The following LUC7L variants were observed in gnomAD, a reference collection of about 807,000 sequenced individuals.
LUC7L encodes the protein LUC7 like.
A neutral mutation model predicts 51.1 loss-of-function variants in LUC7L; 29 were observed. That is an observed-to-expected ratio of 0.57 (90% CI 0.42 to 0.77). LUC7L has a LOEUF of 0.77. LUC7L is among the 30% of genes least tolerant of loss of function. The probability of loss-of-function intolerance (pLI) is 0.00; values close to 1 mark genes in which losing one functional copy is unlikely to be tolerated. For missense variants in LUC7L, 403 were observed against 511.9 expected (o/e 0.79, Z 2.05); for synonymous variants, 181 against 180.7 (o/e 1.00, Z -0.01).
chr16:221,824 A>C (rs1401337076), intron 2 of LUC7L, among the ~76,000 whole-genome samples: 1 of 152,208 alleles, frequency 6.6e-6, no homozygotes, highest in Non-Finnish European at 1.5e-5. Flanking sequence ...GAGACAGAGG[A>C]AGAGGAAAGA....
intron 3 of LUC7L, among the ~76,000 whole-genome samples, chr16:212,489 A>G (rs1273477213): frequency 2.0e-5 from 3 of 152,196 alleles, no homozygotes; most frequent in African/African-American, 7.2e-5. Flanking sequence ...GAAAAAAAGA[A>G]GGTGAAATAA....
chr16:189,870 C>T, intron 9 of LUC7L, 98 bp downstream of exon 9: 1 of 1,523,378 alleles, frequency 6.6e-7, no homozygotes, highest in Non-Finnish European at 8.8e-7. Context: ...AGGGTGAGCC[C>T]AGCCCCATCC....
chr16:220,841 A>T, intron 2 of LUC7L, 94 bp from the exon 3 acceptor site: 3 of 785,656 alleles, frequency 3.8e-6, no homozygotes, highest in Non-Finnish European at 6.6e-6. Flanking sequence ...ACCAACAGAA[A>T]TGATCACTTT....
At chr16:228,893 G>C (rs904868285) in intron 1 of LUC7L, 31 of 1,332,718 alleles carry the variant, frequency 2.3e-5, no homozygotes, top group Non-Finnish European at 2.8e-5. Flanking sequence ...TTCTTCCCAA[G>C]GAGCCTCGGA....
intron 3 of LUC7L, among the ~76,000 whole-genome samples, chr16:210,042 C>CT (rs1253427230): frequency 5.3e-5 from 8 of 152,196 alleles, no homozygotes; most frequent in Non-Finnish European, 8.8e-5. Flanking sequence ...AATCCCAGCA[C>CT]TTTGGGAGGC....
chr16:203,061 TA>T (rs1370706861), intron 5 of LUC7L, among the ~76,000 whole-genome samples: 9 of 152,018 alleles, frequency 5.9e-5, no homozygotes, highest in Admixed American at 1.3e-4. Flanking sequence ...TGAGGCAGGA[TA>T]ATCAGTTGAA....
chr16:216,884 CG>C (rs373880032), intron 3 of LUC7L, among the ~76,000 whole-genome samples: 1 of 151,882 alleles, frequency 6.6e-6, no homozygotes, highest in African/African-American at 2.4e-5. Context: ...TTTGTAGAGA[CG>C]GGGTTTCCCC....
intron 5 of LUC7L, among the ~76,000 whole-genome samples, chr16:205,234 A>G (rs2049449019): frequency 6.6e-6 from 1 of 152,182 alleles, no homozygotes; most frequent in Non-Finnish European, 1.5e-5. Context: ...GCTGGACTCC[A>G]AAAGTCCTAG....
intron 3 of LUC7L, 40 bp from the exon 4 acceptor site, chr16:208,228 TA>T (rs770362584): frequency 6.3e-6 from 9 of 1,427,122 alleles, no homozygotes. Context: ...CAATGATGTG[TA>T]AAGCGTAAAG....
chr16:217,573 G>C (rs567666838), intron 3 of LUC7L, among the ~76,000 whole-genome samples: 33 of 151,602 alleles, frequency 2.2e-4, no homozygotes, highest in Non-Finnish European at 4.4e-4. Flanking sequence ...CAGGCGTAGC[G>C]ATGTGCACCT....
Position 229,403 on chromosome 16 carries a change from C to T in LUC7L, c.-64G>A. The T allele has an allele frequency of 7.3e-7, 1 of 1,370,316 alleles. No homozygotes were observed. The highest frequency in any genetic ancestry group is 9.6e-7 in the Non-Finnish European group (1 of 1,038,654). The allele number at this position is 1,370,316 out of a possible 1,614,324, so 84.9% of individuals were successfully genotyped here. A position where few individuals can be genotyped will look rare whatever the true frequency, so the allele number is the denominator to read the frequency against. Reference sequence around the variant, plus strand: ...TCTCTCAGGCAGGCGGTGGCAGCGGCGTCGACAAACGATGGTCGCGTCGGC... The same window carrying T: ...TCTCTCAGGCAGGCGGTGGCAGCGGTGTCGACAAACGATGGTCGCGTCGGC... On this transcript the variant is annotated 5_prime_UTR_variant, in exon 1 of 10. Coordinates refer to ENST00000293872, the MANE Select transcript of LUC7L (RefSeq NM_201412.3).
intron 6 of LUC7L, among the ~76,000 whole-genome samples, chr16:195,566 G>C (rs2049126576): frequency 6.6e-6 from 1 of 152,152 alleles, no homozygotes; most frequent in Admixed American, 6.6e-5. Context: ...TGGACCTACA[G>C]GCACACACCA....
intron 3 of LUC7L, among the ~76,000 whole-genome samples, chr16:210,297 C>T (rs551057935): frequency 1.3e-5 from 2 of 152,246 alleles, no homozygotes; most frequent in East Asian, 1.9e-4. Context: ...CAAAAAAATA[C>T]ATAAACTGCT....
chr16:199,267 T>C (rs1267096056), intron 5 of LUC7L, 29 bp from the exon 6 acceptor site: 2 of 1,520,694 alleles, frequency 1.3e-6, no homozygotes, highest in African/African-American at 1.4e-5. Context: ...GAAATAAAAG[T>C]GAGGTATATA....
intron 3 of LUC7L, among the ~76,000 whole-genome samples, chr16:219,943 A>C (rs1290436519): frequency 6.6e-6 from 1 of 152,178 alleles, no homozygotes; most frequent in Admixed American, 6.6e-5. Context: ...GCAAATTGAG[A>C]TCAGAAAGAA....
In LUC7L at chr16:225,129, C is replaced by G. The variant is rs937065800; in HGVS notation, c.156+2113G>C. On this transcript the variant is annotated intron_variant, in intron 2 of 9. Coordinates refer to ENST00000293872, the MANE Select transcript of LUC7L (RefSeq NM_201412.3). ...TTTACTCCACAACCTGTGTTCTCTT[C>G]TGTACCTTCTACTGGTCTAACACTA... is the stretch of plus-strand genomic sequence containing the variant. Among the ~76,000 whole-genome samples the G allele has an allele frequency of 2.0e-5, 3 of 152,138 alleles. No homozygotes were observed. The South Asian group carries it at 6.2e-4, about 31-fold the overall frequency.
At chr16:205,683 G>A (rs1020751801) in intron 5 of LUC7L, among the ~76,000 whole-genome samples, 1 of 152,154 alleles carries the variant, frequency 6.6e-6, no homozygotes. Context: ...TCCGCCTCCC[G>A]GGTTCACGCC....
intron 7 of LUC7L, 37 bp downstream of exon 7, chr16:192,890 C>T (rs747998270): frequency 1.2e-5 from 18 of 1,552,058 alleles, no homozygotes; most frequent in Non-Finnish European, 1.5e-5. Context: ...ATGCCCGAGG[C>T]CAATGCAGGC....
chr16:194,555 T>C (rs2049101016), intron 6 of LUC7L, among the ~76,000 whole-genome samples: 1 of 152,172 alleles, frequency 6.6e-6, no homozygotes, highest in Non-Finnish European at 1.5e-5. Flanking sequence ...ATGTATCTCA[T>C]CAAACACATC....
Sources: gnomAD v4.1 joint callset for allele counts (sites outside exome capture counted in the v4.1 genomes callset) on GRCh38, gnomAD v4.1.1 for gene constraint, MANE v1.5 for transcripts, NCBI Gene and HGNC (gene_info 2026-07-23, HGNC 2026-07-21) for gene names.